Variants in TMEM50B observed in about 807,000 individuals in gnomAD.
The protein encoded by TMEM50B is transmembrane protein 50B.
In TMEM50B, 14 loss-of-function variants were observed where a neutral mutation model predicts 23.4. The observed-to-expected ratio is 0.60, with a 90% confidence interval of 0.39 to 0.93. TMEM50B has a LOEUF of 0.93. TMEM50B is among the 40% of genes least tolerant of loss of function. TMEM50B has a pLI of 0.00. For synonymous variants in TMEM50B, 64 were observed against 62.3 expected, an observed-to-expected ratio of 1.03 and a Z score of -0.13; for missense variants, 159 against 193.0, an observed-to-expected ratio of 0.82 and a Z score of 1.04.
At position 33,468,905 on chromosome 21, in the gene TMEM50B, A is replaced by T; in HGVS notation, c.-20T>A. The T allele has an allele frequency of 6.3e-7, 1 of 1,587,768 alleles. No individual in the cohort carries two copies. Among genetic ancestry groups the T allele is most frequent in the Middle Eastern group, 1.7e-4 (1 of 5,998 alleles). On this transcript the variant is annotated 5_prime_UTR_variant, in exon 2 of 7. Coordinates refer to ENST00000542230, the MANE Select transcript of TMEM50B (RefSeq NM_006134.7). ...TGCCATTTTTACTTCTTAAGCATAA[A>T]TTTTTCATTAAATGCTGTATCCTAC...
chr21:33,460,622 T>C, intron 4 of TMEM50B, 117 bp from the exon 5 acceptor site: 1 of 445,412 alleles, frequency 2.2e-6, no homozygotes, highest in Non-Finnish European at 4.1e-6. Context: ...TCAAAGATAG[T>C]CATATATTTA....
exon 9 of TMEM50B, chr21:33,432,589 G>T: frequency 9.4e-7 from 1 of 1,066,218 alleles, no homozygotes; most frequent in Non-Finnish European, 1.5e-6. Flanking sequence ...GAGGGTGGGG[G>T]GTAGAGGGAC....
Position 33,460,522 on chromosome 21 carries a change from C to T in TMEM50B, c.281-17G>A, listed in dbSNP as rs1162819193. 7 of 1,551,516 alleles carry T rather than the reference C, an allele frequency of 4.5e-6. No individual in the cohort carries two copies. The highest frequency in any genetic ancestry group is 1.2e-5 in the South Asian group (1 of 83,856). Reference sequence around the variant, plus strand: ...CTCGAGCACCTGTGTAGAGAAGAGGCTTTATGATTTTGTTCATTTTTGCAG... The same window carrying T: ...CTCGAGCACCTGTGTAGAGAAGAGGTTTTATGATTTTGTTCATTTTTGCAG... On this transcript the variant is annotated splice_polypyrimidine_tract_variant and intron_variant, in intron 4 of 6. Transcript: ENST00000542230.
chr21:33,465,319 T>C, intron 4 of TMEM50B, 23 bp downstream of exon 4: 1 of 1,604,144 alleles, frequency 6.2e-7, no homozygotes, highest in Non-Finnish European at 8.5e-7. Context: ...TCAACACCCA[T>C]TAACAGCTCA....
chr21:33,472,757 A>T (rs2084329401), intron 1 of TMEM50B, among the ~76,000 whole-genome samples: 1 of 152,068 alleles, frequency 6.6e-6, no homozygotes, highest in Non-Finnish European at 1.5e-5. Context: ...CTGTAATCCC[A>T]GCTACTTGGG....
chr21:33,475,730 A>G (rs557398488), intron 1 of TMEM50B, among the ~76,000 whole-genome samples: 3 of 151,654 alleles, frequency 2.0e-5, no homozygotes, highest in East Asian at 2.0e-4. Flanking sequence ...CAAGGTGGGC[A>G]GATCATGAGG....
At chr21:33,462,867 G>A (rs184679996) in intron 4 of TMEM50B, among the ~76,000 whole-genome samples, 89 of 152,242 alleles carry the variant, frequency 5.8e-4, no homozygotes, top group Middle Eastern at 3.4e-3. Context: ...AAGCGCGATC[G>A]CATGCGCATA....
chr21:33,456,736 C>T (rs1353675890), intron 5 of TMEM50B, among the ~76,000 whole-genome samples: 1 of 152,104 alleles, frequency 6.6e-6, no homozygotes, highest in African/African-American at 2.4e-5. Context: ...ATCTTCATTT[C>T]CTCACCTGTA....
intron 2 of TMEM50B, among the ~76,000 whole-genome samples, chr21:33,467,819 T>G (rs1302736267): frequency 1.3e-5 from 2 of 152,134 alleles, no homozygotes; most frequent in Non-Finnish European, 2.9e-5. Flanking sequence ...TCTATTGGAC[T>G]TTAGGTGTAG....
intron 1 of TMEM50B, among the ~76,000 whole-genome samples, chr21:33,471,144 G>A (rs552592777): frequency 6.6e-6 from 1 of 152,118 alleles, no homozygotes; most frequent in Non-Finnish European, 1.5e-5. Context: ...TAAAATAAGG[G>A]AGACATTTTG....
At chr21:33,479,605 C>G (rs1012527699) in intron 1 of TMEM50B, among the ~76,000 whole-genome samples, 3 of 152,192 alleles carry the variant, frequency 2.0e-5, no homozygotes, top group African/African-American at 7.2e-5. Context: ...GGCGGCGCCA[C>G]GGTCACGGTC....
At chr21:33,439,728 A>G (rs1374910854) in intron 7 of TMEM50B, among the ~76,000 whole-genome samples, 1 of 151,914 alleles carries the variant, frequency 6.6e-6, no homozygotes, top group Non-Finnish European at 1.5e-5. Flanking sequence ...TTAGTAAAAT[A>G]AATGACTAAT....
At chr21:33,473,369 C>T (rs1350054610) in intron 1 of TMEM50B, among the ~76,000 whole-genome samples, 1 of 149,744 alleles carries the variant, frequency 6.7e-6, no homozygotes, top group African/African-American at 2.4e-5. Flanking sequence ...ACAGGAATCA[C>T]TTGAACCCAG....
chr21:33,454,896 T>G (rs868226948), intron 6 of TMEM50B, among the ~76,000 whole-genome samples: 6 of 152,078 alleles, frequency 3.9e-5, no homozygotes, highest in Middle Eastern at 6.8e-3. Flanking sequence ...GCAGGCAAAT[T>G]GTCTGAGCTC....
rs573104548 is a variant in TMEM50B at position 33,436,952 on chromosome 21, A to G, written c.*2120+2262T>C. ...GAAAAGGAGCAAGAAGATGTTCTCCAAACGCTTTGAACCAAAGCATGGGCC... is the reference window on the plus strand; with the variant it reads ...GAAAAGGAGCAAGAAGATGTTCTCCGAACGCTTTGAACCAAAGCATGGGCC... On this transcript the variant is annotated intron_variant and NMD_transcript_variant, in intron 8 of 8. Coordinates refer to the TMEM50B transcript ENST00000420455. 1.9e-6 allele frequency: 3 copies of G among 1,614,032 alleles called. No individual in the cohort carries two copies. In the African/African-American group the frequency reaches 4.0e-5, roughly 22 times the overall value.
chr21:33,460,374 G>T, intron 5 of TMEM50B, 39 bp downstream of exon 5: 2 of 1,291,564 alleles, frequency 1.5e-6, no homozygotes, highest in South Asian at 1.2e-5. Context: ...AGACATATCT[G>T]AATCTCTCCT....
chr21:33,471,486 T>C (rs13052015), intron 1 of TMEM50B, among the ~76,000 whole-genome samples: 39,499 of 152,016 alleles, frequency 0.26, 5,602 homozygotes, highest in Non-Finnish European at 0.31. Context: ...AAGCACCCAT[T>C]ATAAAAATCA....
intron 4 of TMEM50B, among the ~76,000 whole-genome samples, chr21:33,464,445 C>T (rs2084245789): frequency 1.3e-5 from 2 of 150,000 alleles, no homozygotes; most frequent in African/African-American, 4.9e-5. Flanking sequence ...GGTGTTCCAC[C>T]CGTCTCAGCC....
intron 3 of TMEM50B, 129 bp downstream of exon 3, chr21:33,466,881 T>C (rs2084268987): frequency 1.5e-6 from 1 of 645,304 alleles, no homozygotes; most frequent in African/African-American, 1.9e-5. Flanking sequence ...AAAATGGGAA[T>C]TATGTATGTA....
Sources: gnomAD v4.1 joint callset for allele counts (sites outside exome capture counted in the v4.1 genomes callset) on GRCh38, gnomAD v4.1.1 for gene constraint, MANE v1.5 for transcripts, NCBI Gene and HGNC (gene_info 2026-07-23, HGNC 2026-07-21) for gene names.